The following COX7B2 variants were observed in gnomAD, a reference collection of about 807,000 sequenced individuals.
The protein encoded by COX7B2 is cytochrome c oxidase subunit 7B2, mitochondrial.
For missense variants in COX7B2, 109 were observed against 95.9 expected, an observed-to-expected ratio of 1.14 and a Z score of -0.57; for synonymous variants, 37 against 32.1, an observed-to-expected ratio of 1.15 and a Z score of -0.51.
intron 2 of COX7B2, among the ~76,000 whole-genome samples, chr4:46,811,681 G>C (rs76120915): frequency 0.011 from 1,680 of 152,170 alleles, 21 homozygotes; most frequent in Middle Eastern, 0.041. Flanking sequence ...GTGTTCCTTT[G>C]GTGGAGTCAT....
chr4:46,830,542 T>TA (rs1006775257), intron 2 of COX7B2, among the ~76,000 whole-genome samples: 1 of 152,060 alleles, frequency 6.6e-6, no homozygotes, highest in African/African-American at 2.4e-5. Context: ...AGATTAGGTC[T>TA]AAAAAAACAT....
At chr4:46,880,120 A>C (rs1161496066) in intron 1 of COX7B2, among the ~76,000 whole-genome samples, 2 of 152,158 alleles carry the variant, frequency 1.3e-5, no homozygotes, top group African/African-American at 4.8e-5. Context: ...GTTTTGAGGC[A>C]GGTTCCTTCA....
chr4:46,762,228 T>G (rs1560361923), intron 2 of COX7B2, among the ~76,000 whole-genome samples: 1 of 143,262 alleles, frequency 7.0e-6, no homozygotes, highest in African/African-American at 2.5e-5. Flanking sequence ...GTATATTATT[T>G]ATATATTAAA....
intron 2 of COX7B2, among the ~76,000 whole-genome samples, chr4:46,742,646 A>G (rs766001715): frequency 1.3e-5 from 2 of 152,150 alleles, no homozygotes; most frequent in Non-Finnish European, 2.9e-5. Flanking sequence ...CACTTCATTA[A>G]GCCTAAAAAG....
At chr4:46,883,155 G>A (rs535740460) in intron 1 of COX7B2, among the ~76,000 whole-genome samples, 30 of 152,272 alleles carry the variant, frequency 2.0e-4, no homozygotes, top group African/African-American at 7.2e-4. Flanking sequence ...ATACTACTGA[G>A]TATAATTATT....
chr4:46,836,331 C>T (rs961300778), intron 2 of COX7B2, among the ~76,000 whole-genome samples: 4 of 151,750 alleles, frequency 2.6e-5, no homozygotes, highest in Non-Finnish European at 5.9e-5. Flanking sequence ...TTATTCTATA[C>T]GTTTTTTTCT....
chr4:46,865,486 A>G (rs960401886), intron 1 of COX7B2, among the ~76,000 whole-genome samples: 1 of 152,172 alleles, frequency 6.6e-6, no homozygotes, highest in Non-Finnish European at 1.5e-5. Flanking sequence ...AAAAGGACCA[A>G]CGCTCAATTT....
intron 2 of COX7B2, among the ~76,000 whole-genome samples, chr4:46,813,146 C>A (rs1490790451): frequency 6.6e-6 from 1 of 152,176 alleles, no homozygotes; most frequent in Non-Finnish European, 1.5e-5. Context: ...GGTAGCTTGA[C>A]TCTAGGGAGT....
intron 2 of COX7B2, among the ~76,000 whole-genome samples, chr4:46,830,377 A>T (rs935502733): frequency 6.6e-6 from 1 of 151,912 alleles, no homozygotes; most frequent in Non-Finnish European, 1.5e-5. Flanking sequence ...GAAAAGAAAC[A>T]ATGTATGTAG....
intron 1 of COX7B2, among the ~76,000 whole-genome samples, chr4:46,849,338 A>T (rs1317392750): frequency 6.6e-6 from 1 of 152,278 alleles, no homozygotes; most frequent in South Asian, 2.1e-4. Context: ...ATTGTGAAAC[A>T]CAGAGAAATA....
At position 46,737,972 on chromosome 4, in the gene COX7B2, A is replaced by G. The variant is rs555835487; in HGVS notation, c.-49-2731T>C. On this transcript the variant is annotated intron_variant, in intron 2 of 2. Coordinates refer to ENST00000355591, the MANE Select transcript of COX7B2 (RefSeq NM_130902.3). Reference sequence around the variant, plus strand: ...AAATTAATTTCTTCCGAGGTTCAAGATATTAAAAAATGTTTCCTGTTAGTC... The same window carrying G: ...AAATTAATTTCTTCCGAGGTTCAAGGTATTAAAAAATGTTTCCTGTTAGTC... Among the ~76,000 whole-genome samples the G allele has an allele frequency of 9.2e-5, 14 of 152,284 alleles. No individual in the cohort carries two copies. The South Asian group carries it at 2.9e-3, about 32-fold the overall frequency.
intron 1 of COX7B2, among the ~76,000 whole-genome samples, chr4:46,907,847 A>ATTTTTTTT (rs1308450950): frequency 1.5e-5 from 1 of 67,238 alleles, no homozygotes; most frequent in African/African-American, 5.1e-5. Context: ...ATTTGAGCAG[A>ATTTTTTTT]CTTTTTTTTT....
intron 2 of COX7B2, among the ~76,000 whole-genome samples, chr4:46,800,067 A>G (rs1200584408): frequency 6.6e-6 from 1 of 152,144 alleles, no homozygotes; most frequent in Non-Finnish European, 1.5e-5. Flanking sequence ...ATAGCTAACC[A>G]GGGAGCTGAA....
At chr4:46,832,176 A>G (rs919472500) in intron 2 of COX7B2, among the ~76,000 whole-genome samples, 2 of 152,070 alleles carry the variant, frequency 1.3e-5, no homozygotes, top group East Asian at 1.9e-4. Flanking sequence ...AAATTTTGCT[A>G]CTGCTAACTC....
At chr4:46,751,438 G>A (rs1715370669) in intron 2 of COX7B2, among the ~76,000 whole-genome samples, 1 of 151,764 alleles carries the variant, frequency 6.6e-6, no homozygotes, top group Non-Finnish European at 1.5e-5. Flanking sequence ...AGCAAAACAT[G>A]TACATATTAG....
intron 1 of COX7B2, among the ~76,000 whole-genome samples, chr4:46,873,921 T>G (rs1718164579): frequency 6.6e-6 from 1 of 152,098 alleles, no homozygotes; most frequent in Non-Finnish European, 1.5e-5. Context: ...ACATGCAGTG[T>G]TTTTTAAGTA....
intron 2 of COX7B2, among the ~76,000 whole-genome samples, chr4:46,833,098 T>G (rs1180039580): frequency 1.3e-5 from 2 of 152,050 alleles, no homozygotes; most frequent in African/African-American, 4.8e-5. Context: ...AGAGACGGGA[T>G]TTCTCCATGT....
At chr4:46,880,113 T>C (rs1718617095) in intron 1 of COX7B2, among the ~76,000 whole-genome samples, 1 of 152,174 alleles carries the variant, frequency 6.6e-6, no homozygotes, top group Admixed American at 6.5e-5. Flanking sequence ...TCTTGCTGTT[T>C]TGAGGCAGGT....
At chr4:46,770,081 A>G (rs1216794354) in intron 2 of COX7B2, among the ~76,000 whole-genome samples, 1 of 152,196 alleles carries the variant, frequency 6.6e-6, no homozygotes, top group Non-Finnish European at 1.5e-5. Flanking sequence ...AGATGACATG[A>G]TCTTACACAA....
Sources: allele counts gnomAD v4.1 joint callset (sites outside exome capture counted in the v4.1 genomes callset), GRCh38; gene constraint gnomAD v4.1.1; transcripts MANE v1.5; gene names NCBI Gene and HGNC (gene_info 2026-07-23, HGNC 2026-07-21).